MAN1C1: variants seen among roughly 807,000 people sequenced by gnomAD.
The protein encoded by MAN1C1 is mannosidase alpha class 1C member 1, also known as mannosyl-oligosaccharide 1,2-alpha-mannosidase IC.
A neutral mutation model predicts 71.5 loss-of-function variants in MAN1C1; 49 were observed. The observed-to-expected ratio is 0.69, with a 90% confidence interval of 0.54 to 0.87. MAN1C1 has a LOEUF of 0.87. Among genes scored for constraint, MAN1C1 ranks in the 40% least tolerant of loss-of-function variants. MAN1C1 has a pLI of 0.00. For synonymous variants in MAN1C1, 352 were observed against 343.7 expected (o/e 1.02, Z -0.27); for missense variants, 743 against 835.0 (o/e 0.89, Z 1.36).
At chr1:25,705,417 G>A (rs1411136227) in intron 2 of MAN1C1, among the ~76,000 whole-genome samples, 1 of 152,244 alleles carries the variant, frequency 6.6e-6, no homozygotes, top group Admixed American at 6.5e-5. Flanking sequence ...GTCGATGGCT[G>A]TCCAGTATTC....
At chr1:25,693,870 A>G (rs77726512) in intron 2 of MAN1C1, among the ~76,000 whole-genome samples, 1 of 152,188 alleles carries the variant, frequency 6.6e-6, no homozygotes, top group Non-Finnish European at 1.5e-5. Flanking sequence ...TACAATGGGG[A>G]TAACAACTAC....
intron 2 of MAN1C1, among the ~76,000 whole-genome samples, chr1:25,726,818 G>T (rs1398581949): frequency 6.6e-6 from 1 of 151,728 alleles, no homozygotes; most frequent in Non-Finnish European, 1.5e-5. Context: ...CACTGCGGGA[G>T]GCCAAGGTGG....
At chr1:25,683,353 C>G (rs549906746) in intron 1 of MAN1C1, among the ~76,000 whole-genome samples, 1 of 152,330 alleles carries the variant, frequency 6.6e-6, no homozygotes, top group East Asian at 1.9e-4. Flanking sequence ...TGTTATATGT[C>G]TTGCCTGTGA....
intron 1 of MAN1C1, among the ~76,000 whole-genome samples, chr1:25,650,108 G>C (rs1194190036): frequency 6.6e-6 from 1 of 152,122 alleles, no homozygotes; most frequent in Non-Finnish European, 1.5e-5. Flanking sequence ...TATAAATTCT[G>C]TACACTCCCA....
chr1:25,778,508 A>T lies in MAN1C1; in HGVS notation c.1477+184A>T, dbSNP rs1310248209. On this transcript the variant is annotated intron_variant, in intron 9 of 11. Transcript: ENST00000374332. The surrounding 1 kb of genome is among the most constrained non-coding windows in gnomAD (Gnocchi z 5.5). ...AGACCATACCCTGAATGAAAGGGAA[A>T]CTAGTACAGACACAGGAAGCGCTTT... Among the ~76,000 whole-genome samples, 4 of 152,194 alleles carry T rather than the reference A, an allele frequency of 2.6e-5. No individual in the cohort carries two copies. Among genetic ancestry groups the T allele is most frequent in the Non-Finnish European group, 4.4e-5 (3 of 68,032 alleles).
intron 1 of MAN1C1, among the ~76,000 whole-genome samples, chr1:25,624,329 G>A (rs897126266): frequency 6.6e-6 from 1 of 152,148 alleles, no homozygotes; most frequent in Non-Finnish European, 1.5e-5. Flanking sequence ...ACCTGCTTTG[G>A]TGTCTCCACC....
chr1:25,778,428 G>A lies in MAN1C1; in HGVS notation c.1477+104G>A, dbSNP rs1406002428. The A allele has an allele frequency of 4.3e-6, 5 of 1,163,258 alleles. No individual in the cohort carries two copies. The highest frequency in any genetic ancestry group is 6.0e-6 in the Non-Finnish European group (5 of 832,688). The allele number at this position is 1,163,258 out of a possible 1,614,324, so 72.1% of individuals were successfully genotyped here. On this transcript the variant is annotated intron_variant, in intron 9 of 11. Transcript: ENST00000374332. The surrounding 1 kb of genome is among the most constrained non-coding windows in gnomAD (Gnocchi z 5.5). ...AGCGAAGGGAGCACATGGCCTTAGG[G>A]AAGCCTCCCCTTGGAAGTTAAGTAG...
At chr1:25,625,925 A>G (rs988531938) in intron 1 of MAN1C1, among the ~76,000 whole-genome samples, 5 of 152,260 alleles carry the variant, frequency 3.3e-5, no homozygotes, top group Non-Finnish European at 7.3e-5. Flanking sequence ...TATTGTGCGT[A>G]TCAGTACTTC....
intron 2 of MAN1C1, among the ~76,000 whole-genome samples, chr1:25,723,546 G>T (rs1387639538): frequency 6.6e-6 from 1 of 152,046 alleles, no homozygotes; most frequent in Non-Finnish European, 1.5e-5. Context: ...CTTCTTCCCT[G>T]GTTGTTCTAT....
At chr1:25,635,219 T>G (rs2045438633) in intron 1 of MAN1C1, among the ~76,000 whole-genome samples, 1 of 152,106 alleles carries the variant, frequency 6.6e-6, no homozygotes, top group Non-Finnish European at 1.5e-5. Context: ...TTTCTCTTTA[T>G]TAAATATTTC....
chr1:25,641,935 A>G (rs954784664), intron 1 of MAN1C1, among the ~76,000 whole-genome samples: 2 of 152,250 alleles, frequency 1.3e-5, no homozygotes, highest in Non-Finnish European at 2.9e-5. Flanking sequence ...CTCAGTTGCA[A>G]GAGCTGAAGG....
At chr1:25,763,486 C>CA (rs60144894) in intron 6 of MAN1C1, among the ~76,000 whole-genome samples, 41,177 of 87,410 alleles carry the variant, frequency 0.47, 10,070 homozygotes, top group Middle Eastern at 0.64. Context: ...GAGACTGTCT[C>CA]AAAAAAAAAA....
chr1:25,642,767 A>C (rs2045554685), intron 1 of MAN1C1, among the ~76,000 whole-genome samples: 1 of 152,324 alleles, frequency 6.6e-6, no homozygotes, highest in South Asian at 2.1e-4. Flanking sequence ...ACTTCAGAGA[A>C]TATATTTCCC....
intron 7 of MAN1C1, among the ~76,000 whole-genome samples, chr1:25,767,703 TCA>T (rs1414942910): frequency 2.8e-5 from 1 of 35,734 alleles, no homozygotes; most frequent in African/African-American, 1.3e-4. Flanking sequence ...CACACTCCCC[TCA>T]CACATACATT....
rs748307221 is a variant in MAN1C1 at position 25,618,356 on chromosome 1, A to G, written c.540+19A>G. On this transcript the variant is annotated intron_variant, in intron 1 of 11. Coordinates refer to ENST00000374332, the MANE Select transcript of MAN1C1 (RefSeq NM_020379.4). ...CAAGGAGGTATGGACTCAGCCCCCA[A>G]ACTCCTCCCACCAACTGCCCCCTCT... The G allele has an allele frequency of 8.8e-6, 14 of 1,583,508 alleles. No homozygotes were observed. The highest frequency in any genetic ancestry group is 1.2e-5 in the Non-Finnish European group (14 of 1,168,066).
chr1:25,764,080 G>A lies in MAN1C1; in HGVS notation c.1141+113G>A, dbSNP rs769995843. On this transcript the variant is annotated intron_variant, in intron 7 of 11. Coordinates refer to ENST00000374332, the MANE Select transcript of MAN1C1 (RefSeq NM_020379.4). The surrounding 1 kb of genome is among the most constrained non-coding windows in gnomAD (Gnocchi z 4.4). ...AGGATGTGTCTGTCAGAGCCATGCA[G>A]CCAGCAAGGCATTCGCTCGGTGCTC... 5.6e-5 allele frequency: 47 copies of A among 845,398 alleles called. No homozygotes were observed. The highest frequency in any genetic ancestry group is 8.5e-5 in the Non-Finnish European group (44 of 518,618). The allele number at this position is 845,398 out of a possible 1,614,324, so 52.4% of individuals were successfully genotyped here.
At chr1:25,695,171 C>T (rs2046354507) in intron 2 of MAN1C1, among the ~76,000 whole-genome samples, 1 of 152,144 alleles carries the variant, frequency 6.6e-6, no homozygotes, top group Non-Finnish European at 1.5e-5. Flanking sequence ...GGCCGCGGTG[C>T]ACATTCCTGA....
At chr1:25,629,142 C>A (rs2045343122) in intron 1 of MAN1C1, among the ~76,000 whole-genome samples, 1 of 152,144 alleles carries the variant, frequency 6.6e-6, no homozygotes, top group Non-Finnish European at 1.5e-5. Flanking sequence ...AATGGTAGAT[C>A]TACTTATAGT....
At position 25,778,819 on chromosome 1, in the gene MAN1C1, T is replaced by C. The variant is rs1431345098; in HGVS notation, c.1477+495T>C. ...CTGTTTAGTCGCCCTCTTTGACCCATGATCACCGGAAAGCCTGAGAGCTTG... is the reference window on the plus strand; with the variant it reads ...CTGTTTAGTCGCCCTCTTTGACCCACGATCACCGGAAAGCCTGAGAGCTTG... On this transcript the variant is annotated intron_variant, in intron 9 of 11. Transcript: ENST00000374332. This position sits in a 1 kb window ranked among gnomAD's most constrained non-coding sequence, Gnocchi z 5.5. Among the ~76,000 whole-genome samples, 1 of 152,102 alleles carries C rather than the reference T, an allele frequency of 6.6e-6. No individual in the cohort carries two copies. Among genetic ancestry groups the C allele is most frequent in the Non-Finnish European group, 1.5e-5 (1 of 68,002 alleles).
Sources: gnomAD v4.1 joint callset for allele counts (sites outside exome capture counted in the v4.1 genomes callset) on GRCh38, gnomAD v4.1.1 for gene constraint, Gnocchi (gnomAD v3.1) non-coding constraint, MANE v1.5 for transcripts, NCBI Gene and HGNC (gene_info 2026-07-23, HGNC 2026-07-21) for gene names.